ADGRL2: variants seen among roughly 807,000 people sequenced by gnomAD.
ADGRL2 encodes the protein adhesion G protein-coupled receptor L2.
In ADGRL2, 44 loss-of-function variants were observed where a neutral mutation model predicts 157.4. The ratio of observed to expected loss-of-function variants is 0.28; its 90% CI spans 0.22 to 0.36. The LOEUF is 0.36. Among genes scored for constraint, ADGRL2 ranks in the 10% least tolerant of loss-of-function variants. The pLI, the probability that ADGRL2 is intolerant of heterozygous loss-of-function variation, is 1.00. For missense variants in ADGRL2, 1,510 were observed against 1,768.9 expected (o/e 0.85, Z 2.63); for synonymous variants, 585 against 624.7 (o/e 0.94, Z 0.95).
chr1:81,458,057 T>C (rs1053376320), intron 2 of ADGRL2, among the ~76,000 whole-genome samples: 3 of 152,220 alleles, frequency 2.0e-5, no homozygotes, highest in Non-Finnish European at 4.4e-5. Flanking sequence ...AAAAATATTA[T>C]CATTTTTGTT....
chr1:81,598,686 A>G (rs2081283196), intron 3 of ADGRL2, among the ~76,000 whole-genome samples: 1 of 152,218 alleles, frequency 6.6e-6, no homozygotes, highest in Non-Finnish European at 1.5e-5. Flanking sequence ...GTGGTCAGGG[A>G]AACATTATGT....
intron 2 of ADGRL2, among the ~76,000 whole-genome samples, chr1:81,766,649 A>G (rs2086131638): frequency 1.3e-5 from 2 of 151,880 alleles, no homozygotes; most frequent in Non-Finnish European, 2.9e-5. Context: ...TGACCAACAT[A>G]AAGAAACCCT....
In ADGRL2 at chr1:81,957,017, A is replaced by G. The variant is rs534314126; in HGVS notation, c.2017+957A>G. 5.9e-5 allele frequency among the ~76,000 whole-genome samples: 9 copies of G among 152,306 alleles called. No individual in the cohort carries two copies. In the South Asian group the frequency reaches 1.9e-3, roughly 32 times the overall value. ...AAATCAAATTAGCACCTATATTTGA[A>G]TTCATAATCTTAAATTTATTTTATA... On this transcript the variant is annotated intron_variant, in intron 11 of 23. Coordinates refer to ENST00000686636, the MANE Select transcript of ADGRL2 (RefSeq NM_001366006.2).
chr1:81,778,321 C>CAAAA (rs35538546), intron 2 of ADGRL2, among the ~76,000 whole-genome samples: 1 of 136,386 alleles, frequency 7.3e-6, no homozygotes, highest in Non-Finnish European at 1.6e-5. Context: ...GACTCCGTCT[C>CAAAA]AAAAAAAAAA....
At chr1:81,524,239 G>A (rs1174213689) in intron 2 of ADGRL2, among the ~76,000 whole-genome samples, 9 of 151,990 alleles carry the variant, frequency 5.9e-5, no homozygotes, top group Non-Finnish European at 1.2e-4. Flanking sequence ...GGTGACGGGC[G>A]CCTGTAGTCC....
chr1:81,697,111 A>T (rs1302145284), upstream of ADGRL2, among the ~76,000 whole-genome samples: 3 of 152,208 alleles, frequency 2.0e-5, no homozygotes, highest in Admixed American at 1.3e-4. Flanking sequence ...AGTTTCCAAA[A>T]TGGCAGAATT....
Position 81,825,657 on chromosome 1 carries a change from CAAA to C in ADGRL2, c.-100-11210_-100-11208del, listed in dbSNP as rs71085375. On this transcript the variant is annotated intron_variant, in intron 1 of 23. Transcript: ENST00000686636. Reference sequence around the variant, plus strand: ...ACCGCACCTGGCCAGACCCTGTCTCCAAAAAAAAAAAAAAAAAAAAGACATACT... The same window carrying C: ...ACCGCACCTGGCCAGACCCTGTCTCCAAAAAAAAAAAAAAAAAGACATACT... Among the ~76,000 whole-genome samples, 585 of 86,750 alleles carry C rather than the reference CAAA, an allele frequency of 6.7e-3. 2 individuals carry two copies. Among genetic ancestry groups the C allele is most frequent in the South Asian group, 0.015 (31 of 2,040 alleles). The allele number at this position is 86,750 out of a possible 152,430, so 56.9% of individuals were successfully genotyped here.
intron 2 of ADGRL2, among the ~76,000 whole-genome samples, chr1:81,521,062 T>C (rs2079302877): frequency 6.6e-6 from 1 of 152,166 alleles, no homozygotes; most frequent in African/African-American, 2.4e-5. Context: ...ATAGAACTGC[T>C]AGCTGCAGGA....
At chr1:81,462,312 C>T (rs541316417) in intron 2 of ADGRL2, among the ~76,000 whole-genome samples, 229 of 152,288 alleles carry the variant, frequency 1.5e-3, no homozygotes, top group Non-Finnish European at 2.6e-3. Flanking sequence ...CTCTGCTGCC[C>T]TTCTATGTTG....
chr1:81,381,460 C>T (rs1268762777), intron 1 of ADGRL2, among the ~76,000 whole-genome samples: 1 of 152,170 alleles, frequency 6.6e-6, no homozygotes, highest in East Asian at 1.9e-4. Flanking sequence ...CCTGTAGTCC[C>T]AGTTACTCAA....
chr1:81,615,585 C>G (rs2081627889), intron 3 of ADGRL2, among the ~76,000 whole-genome samples: 1 of 152,326 alleles, frequency 6.6e-6, no homozygotes, highest in South Asian at 2.1e-4. Flanking sequence ...AACTGTAACA[C>G]TCACCGCGAG....
rs539883548 is a variant in ADGRL2, at chr1:81,465,631, A to G, written c.-248+20542A>G. ...TTCTAGATCCCGCAAATGTTGGTAC[A>G]CTAACTCCTAGTTTTACGTCCCTAT... On this transcript the variant is annotated intron_variant, in intron 2 of 24. Transcript: ENST00000370721. 4.5e-4 allele frequency among the ~76,000 whole-genome samples: 69 copies of G among 152,294 alleles called. 1 individual carries two copies. In the South Asian group the frequency reaches 0.012, roughly 27 times the overall value.
rs886743312 is a variant in ADGRL2, at chr1:81,467,111, A to G, written c.-248+22022A>G. 2.0e-5 allele frequency among the ~76,000 whole-genome samples: 3 copies of G among 152,050 alleles called. No individual in the cohort carries two copies. The South Asian group carries it at 6.2e-4, about 32-fold the overall frequency. ...GTGTCCTCATAATGTGGACAATAAG[A>G]CTGCTGAACCTCATCCCCTTCTGTG... On this transcript the variant is annotated intron_variant, in intron 2 of 24. Coordinates refer to the ADGRL2 transcript ENST00000370721.
At chr1:81,549,040 A>G (rs1424597350) in intron 2 of ADGRL2, among the ~76,000 whole-genome samples, 1 of 152,250 alleles carries the variant, frequency 6.6e-6, no homozygotes, top group East Asian at 1.9e-4. Context: ...AAGTAAATCA[A>G]GAAATGAGCC....
intron 1 of ADGRL2, among the ~76,000 whole-genome samples, chr1:81,737,888 C>G (rs11577102): frequency 6.6e-6 from 1 of 152,148 alleles, no homozygotes; most frequent in African/African-American, 2.4e-5. Flanking sequence ...TGTCCAGATT[C>G]TACAAGACAG....
At position 81,942,038 on chromosome 1, in the gene ADGRL2, G is replaced by A. The variant is rs967326321; in HGVS notation, c.402G>A (p.Glu134=). The A allele has an allele frequency of 2.6e-6, 2 of 769,774 alleles. No individual in the cohort carries two copies. The highest frequency in any genetic ancestry group is 1.7e-5 in the African/African-American group (1 of 58,408). 47.7% of individuals were successfully genotyped at this position (769,774 alleles called of 1,614,324 possible). ...TCCTGATGCTTAAAATAGAAGTGGA[G>A]CAAAAAGGTAAATAACATACAGTCT... The part of the protein sequence containing the change: ...EVQYECVPYM[E]QKVFVCPGTL... Residue 134 remains glutamate (E), a synonymous_variant, in exon 5 of 24, where the codon GAG becomes GAA. Transcript: ENST00000686636.
intron 1 of ADGRL2, among the ~76,000 whole-genome samples, chr1:81,432,497 T>C (rs2077339711): frequency 6.6e-6 from 1 of 152,244 alleles, no homozygotes; most frequent in Non-Finnish European, 1.5e-5. Context: ...ACTTGAACTT[T>C]TAAAAACTCA....
At chr1:81,450,533 C>G (rs546912457) in intron 2 of ADGRL2, among the ~76,000 whole-genome samples, 3 of 152,226 alleles carry the variant, frequency 2.0e-5, no homozygotes, top group Admixed American at 2.0e-4. Context: ...CTCTCTGAGA[C>G]CGAAGGCTGT....
chr1:81,341,023 G>A (rs796588554), intron 1 of ADGRL2, among the ~76,000 whole-genome samples: 4 of 151,958 alleles, frequency 2.6e-5, no homozygotes, highest in African/African-American at 9.7e-5. Context: ...CCAATCATAT[G>A]TTTGAAACCT....
Sources: gnomAD v4.1 joint callset for allele counts (sites outside exome capture counted in the v4.1 genomes callset) on GRCh38, gnomAD v4.1.1 for gene constraint, MANE v1.5 for transcripts, NCBI Gene and HGNC (gene_info 2026-07-23, HGNC 2026-07-21) for gene names.